Variants in MYO1B observed in about 807,000 individuals in gnomAD.
MYO1B encodes the protein myosin IB.
Under a neutral mutation model 159.7 loss-of-function variants are expected in MYO1B, and 72 were observed. The observed-to-expected ratio is 0.45, with a 90% confidence interval of 0.37 to 0.55. MYO1B has a LOEUF of 0.55. Among genes scored for constraint, MYO1B ranks in the 20% least tolerant of loss-of-function variants. MYO1B has a pLI of 0.00. For missense variants in MYO1B, 1,062 were observed against 1,364.8 expected (o/e 0.78, Z 3.50); for synonymous variants, 468 against 473.8 (o/e 0.99, Z 0.16).
chr2:191,284,238 C>T (rs1688232235), intron 2 of MYO1B, among the ~76,000 whole-genome samples: 1 of 152,178 alleles, frequency 6.6e-6, no homozygotes. Flanking sequence ...CAACTGTCCC[C>T]TCTACACATG....
intron 2 of MYO1B, among the ~76,000 whole-genome samples, chr2:191,287,695 G>A (rs1688460813): frequency 1.3e-5 from 2 of 152,144 alleles, no homozygotes; most frequent in Non-Finnish European, 2.9e-5. Context: ...TAGAATCTGA[G>A]TAAAGAGCTT....
chr2:191,417,135 A>G (rs967449370), intron 30 of MYO1B, among the ~76,000 whole-genome samples: 12 of 152,086 alleles, frequency 7.9e-5, no homozygotes, highest in African/African-American at 2.9e-4. Flanking sequence ...TTCTGTTTCA[A>G]CTCTTCCTAA....
intron 2 of MYO1B, among the ~76,000 whole-genome samples, chr2:191,293,235 T>A (rs1037717893): frequency 3.3e-5 from 5 of 152,182 alleles, no homozygotes; most frequent in African/African-American, 1.2e-4. Context: ...AAAAACTCTA[T>A]CTTTAAAGTA....
chr2:191,350,810 AAAAAAAAAC>A (rs1408674495), intron 7 of MYO1B, among the ~76,000 whole-genome samples: 10 of 132,804 alleles, frequency 7.5e-5, no homozygotes, highest in South Asian at 2.8e-4. Context: ...AAAAGTTAAA[AAAAAAAAAC>A]AAAAAAAACA....
At chr2:191,262,980 A>G (rs1273417293) in intron 1 of MYO1B, 2 of 152,160 alleles carry the variant, frequency 1.3e-5, no homozygotes, top group Non-Finnish European at 2.9e-5. Flanking sequence ...TATACTGGTT[A>G]TCTTACTCTT....
intron 11 of MYO1B, among the ~76,000 whole-genome samples, chr2:191,367,856 T>A (rs1164807543): frequency 1.3e-5 from 2 of 152,242 alleles, no homozygotes; most frequent in Non-Finnish European, 2.9e-5. Context: ...ATAGACTAAC[T>A]GTGTGCTAGG....
At chr2:191,282,938 A>G (rs1688151203) in intron 2 of MYO1B, among the ~76,000 whole-genome samples, 1 of 152,212 alleles carries the variant, frequency 6.6e-6, no homozygotes, top group Non-Finnish European at 1.5e-5. Flanking sequence ...CATTAAGGTA[A>G]ACATTGAGAA....
chr2:191,379,404 A>G (rs936745519), intron 13 of MYO1B: 2 of 152,666 alleles, frequency 1.3e-5, no homozygotes, highest in Non-Finnish European at 2.9e-5. Context: ...CCATACAGGA[A>G]TTTTTAAAGG....
intron 13 of MYO1B, among the ~76,000 whole-genome samples, chr2:191,375,560 G>C (rs1049375942): frequency 1.3e-5 from 2 of 151,914 alleles, no homozygotes; most frequent in Non-Finnish European, 1.5e-5. Flanking sequence ...TCCCAGAGCC[G>C]GGCACTCCTC....
intron 1 of MYO1B, among the ~76,000 whole-genome samples, chr2:191,266,430 G>A (rs943102483): frequency 4.6e-5 from 7 of 152,156 alleles, no homozygotes; most frequent in Admixed American, 2.0e-4. Context: ...AGCCTGTGCC[G>A]TACCACAATG....
At chr2:191,377,275 A>G (rs1694770368) in intron 13 of MYO1B, among the ~76,000 whole-genome samples, 1 of 152,220 alleles carries the variant, frequency 6.6e-6, no homozygotes, top group South Asian at 2.1e-4. Flanking sequence ...TAGAAAGCCC[A>G]GAAGGTACTT....
intron 4 of MYO1B, among the ~76,000 whole-genome samples, chr2:191,330,328 G>A (rs999330498): frequency 6.6e-6 from 1 of 152,144 alleles, no homozygotes; most frequent in Non-Finnish European, 1.5e-5. Context: ...AAACCTGTGT[G>A]CTGTTACAGA....
chr2:191,392,059 C>A, intron 18 of MYO1B, 49 bp from the exon 19 acceptor site: 3 of 1,414,188 alleles, frequency 2.1e-6, no homozygotes, highest in Non-Finnish European at 3.0e-6. Context: ...GAAGATAAAA[C>A]TATTTTTGTA....
intron 13 of MYO1B, among the ~76,000 whole-genome samples, chr2:191,375,779 T>G (rs1036584672): frequency 3.9e-5 from 6 of 151,906 alleles, no homozygotes; most frequent in Non-Finnish European, 5.9e-5. Context: ...ACCAACATGG[T>G]GAAACCCCGT....
At chr2:191,278,891 G>GT (rs1442639551) in intron 2 of MYO1B, among the ~76,000 whole-genome samples, 1 of 152,162 alleles carries the variant, frequency 6.6e-6, no homozygotes, top group Non-Finnish European at 1.5e-5. Flanking sequence ...TGTAACTAAC[G>GT]TTACCGATCA....
At chr2:191,385,291 A>G (rs998312470) in intron 15 of MYO1B, among the ~76,000 whole-genome samples, 3 of 152,228 alleles carry the variant, frequency 2.0e-5, no homozygotes, top group African/African-American at 4.8e-5. Context: ...TCTAAAATCT[A>G]AATCTATATG....
intron 2 of MYO1B, among the ~76,000 whole-genome samples, chr2:191,285,691 G>T (rs1688322992): frequency 6.6e-6 from 1 of 152,212 alleles, no homozygotes; most frequent in African/African-American, 2.4e-5. Flanking sequence ...GAAGTGGACA[G>T]CCGATGGAGT....
chr2:191,317,203 T>A (rs1690407984), intron 3 of MYO1B, among the ~76,000 whole-genome samples: 3 of 152,166 alleles, frequency 2.0e-5, no homozygotes, highest in Admixed American at 2.0e-4. Context: ...GCACAGTTGT[T>A]GGCAGATTGT....
intron 26 of MYO1B, 94 bp downstream of exon 26, chr2:191,409,272 C>T: frequency 7.4e-7 from 1 of 1,359,328 alleles, no homozygotes; most frequent in Non-Finnish European, 1.0e-6. Flanking sequence ...CACATTCTTC[C>T]TTTGCCTCAA....
Sources: allele counts gnomAD v4.1 joint callset (sites outside exome capture counted in the v4.1 genomes callset), GRCh38; gene constraint gnomAD v4.1.1; transcripts MANE v1.5; gene names NCBI Gene and HGNC (gene_info 2026-07-23, HGNC 2026-07-21).